SMARCAD1: variants seen among roughly 807,000 people sequenced by gnomAD.
SMARCAD1 encodes the protein SNF2 related chromatin remodeling ATPase with DExD box 1.
In SMARCAD1, 25 loss-of-function variants were observed where a neutral mutation model predicts 127.1. The ratio of observed to expected loss-of-function variants is 0.20; its 90% CI spans 0.14 to 0.27. SMARCAD1 has a LOEUF of 0.27. SMARCAD1 is among the 10% of genes least tolerant of loss of function. The pLI is 1.00. For synonymous variants in SMARCAD1, 400 were observed against 396.9 expected, an observed-to-expected ratio of 1.01 and a Z score of -0.09; for missense variants, 807 against 1,206.0, an observed-to-expected ratio of 0.67 and a Z score of 4.90.
At chr4:94,286,055 A>C (rs1328715950) in intron 23 of SMARCAD1, among the ~76,000 whole-genome samples, 8 of 152,230 alleles carry the variant, frequency 5.3e-5, no homozygotes, top group Admixed American at 2.6e-4. Flanking sequence ...ACAAGTTTCT[A>C]AATATAATAG....
intron 6 of SMARCAD1, among the ~76,000 whole-genome samples, chr4:94,247,778 T>C (rs1041905265): frequency 3.0e-4 from 46 of 152,216 alleles, no homozygotes; most frequent in African/African-American, 1.1e-3. Flanking sequence ...AATTATATAA[T>C]ATGTAACCTT....
At position 94,250,605 on chromosome 4, in the gene SMARCAD1, T is replaced by C. The variant is rs543353762; in HGVS notation, c.808-147T>C. ...GAGGTGAAATTACACAGAAAGCATT[T>C]GTAAAGCAGTGTAAAAACAAGTGCA... On this transcript the variant is annotated intron_variant, in intron 7 of 23. Coordinates refer to ENST00000354268, the MANE Select transcript of SMARCAD1 (RefSeq NM_020159.5). The C allele has an allele frequency of 8.8e-5, 48 of 543,306 alleles. 1 individual carries two copies. In the South Asian group the frequency reaches 1.4e-3, roughly 16 times the overall value. The allele number at this position is 543,306 out of a possible 1,614,324, so 33.7% of individuals were successfully genotyped here.
At chr4:94,265,447 A>G (rs1476767497) in intron 10 of SMARCAD1, among the ~76,000 whole-genome samples, 1 of 151,968 alleles carries the variant, frequency 6.6e-6, no homozygotes, top group Non-Finnish European at 1.5e-5. Flanking sequence ...TAAATAGATC[A>G]TATAAGTCTA....
intron 11 of SMARCAD1, among the ~76,000 whole-genome samples, chr4:94,271,499 T>C (rs1189019769): frequency 6.6e-6 from 1 of 152,228 alleles, no homozygotes; most frequent in Non-Finnish European, 1.5e-5. Context: ...AAGAAAATGT[T>C]ACACTGTGTG....
chr4:94,210,134 ATTTC>A (rs1384069243), intron 2 of SMARCAD1, among the ~76,000 whole-genome samples: 1 of 152,072 alleles, frequency 6.6e-6, no homozygotes, highest in Non-Finnish European at 1.5e-5. Context: ...TTCTGTTTTT[ATTTC>A]TTTCTAATGA....
chr4:94,255,328 A>G (rs997959675), intron 9 of SMARCAD1, among the ~76,000 whole-genome samples: 1 of 152,048 alleles, frequency 6.6e-6, no homozygotes, highest in African/African-American at 2.4e-5. Flanking sequence ...TGCATACTTG[A>G]GCCCGTGAAT....
At position 94,253,208 on chromosome 4, in the gene SMARCAD1, T is replaced by G. The variant is rs138553975; in HGVS notation, c.1281+201T>G. 20 of 1,508,152 alleles carry G rather than the reference T, an allele frequency of 1.3e-5. No homozygotes were observed. In the African/African-American group the frequency reaches 2.3e-4, roughly 18 times the overall value. The allele number at this position is 1,508,152 out of a possible 1,614,324, so 93.4% of individuals were successfully genotyped here. A position where few individuals can be genotyped will look rare whatever the true frequency, so the allele number is the denominator to read the frequency against. ...TAATTTTGAATGAATTAAGGGGTGA[T>G]TTTCCTGAAAAAACCCAAGCTGATT... On this transcript the variant is annotated intron_variant, in intron 9 of 23. Transcript: ENST00000354268.
intron 6 of SMARCAD1, among the ~76,000 whole-genome samples, chr4:94,246,113 ATTCT>A (rs1244357672): frequency 8.8e-4 from 129 of 145,924 alleles, no homozygotes; most frequent in Non-Finnish European, 1.7e-3. Context: ...CATAACTGAC[ATTCT>A]TTTTTTTTTT....
At chr4:94,282,649 G>C (rs1243636256) in intron 21 of SMARCAD1, among the ~76,000 whole-genome samples, 1 of 151,102 alleles carries the variant, frequency 6.6e-6, no homozygotes, top group Non-Finnish European at 1.5e-5. Context: ...TTTTTTTTCT[G>C]TTGGCCAGAG....
In SMARCAD1 at chr4:94,261,796, G is replaced by A. The variant is rs1438250195; in HGVS notation, c.1282-2911G>A. Among the ~76,000 whole-genome samples, 5 of 152,264 alleles carry A rather than the reference G, an allele frequency of 3.3e-5. No homozygotes were observed. The South Asian group carries it at 6.2e-4, about 19-fold the overall frequency. On this transcript the variant is annotated intron_variant, in intron 9 of 23. Transcript: ENST00000354268. ...GCTAATTTTTTGTATTTTTGGTAGAGATGGAGTTCTGCCATGTTGCCCAGG... is the reference window on the plus strand; with the variant it reads ...GCTAATTTTTTGTATTTTTGGTAGAAATGGAGTTCTGCCATGTTGCCCAGG...
intron 2 of SMARCAD1, among the ~76,000 whole-genome samples, chr4:94,216,327 A>G (rs1043147745): frequency 1.3e-5 from 2 of 152,166 alleles, no homozygotes; most frequent in Admixed American, 6.6e-5. Context: ...TGTTTGCCAT[A>G]GAAAAATTTT....
At chr4:94,238,458 G>A (rs1053327551) in intron 5 of SMARCAD1, among the ~76,000 whole-genome samples, 5 of 152,008 alleles carry the variant, frequency 3.3e-5, no homozygotes, top group Non-Finnish European at 5.9e-5. Context: ...GCAACTATTT[G>A]TTTAAGGGTC....
At chr4:94,272,727 G>A (rs576302332) in intron 11 of SMARCAD1, among the ~76,000 whole-genome samples, 2 of 151,836 alleles carry the variant, frequency 1.3e-5, no homozygotes, top group African/African-American at 4.8e-5. Context: ...GGTAGTCCGT[G>A]GTATAAATAC....
intron 9 of SMARCAD1, among the ~76,000 whole-genome samples, chr4:94,256,873 G>A (rs1410508359): frequency 2.0e-5 from 3 of 152,132 alleles, no homozygotes; most frequent in Non-Finnish European, 4.4e-5. Flanking sequence ...TACTTTGTAG[G>A]CTGCTGCCAG....
intron 9 of SMARCAD1, 191 bp downstream of exon 9, chr4:94,253,198 T>G: frequency 6.7e-7 from 1 of 1,498,858 alleles, no homozygotes; most frequent in East Asian, 2.5e-5. Context: ...TTGAATGAAT[T>G]AAGGGGTGAT....
intron 2 of SMARCAD1, among the ~76,000 whole-genome samples, chr4:94,208,997 A>G (rs1741734907): frequency 6.6e-6 from 1 of 152,192 alleles, no homozygotes; most frequent in South Asian, 2.1e-4. Context: ...AAGGTGCCTA[A>G]AGACAACCTC....
At chr4:94,240,779 A>T (rs756372344) in intron 5 of SMARCAD1, 127 bp from the exon 6 acceptor site, 1 of 711,542 alleles carries the variant, frequency 1.4e-6, no homozygotes, top group South Asian at 1.6e-5. Context: ...TAGAACAACA[A>T]ACACTGGGCC....
chr4:94,225,758 G>A (rs921921129), intron 2 of SMARCAD1, among the ~76,000 whole-genome samples: 9 of 152,204 alleles, frequency 5.9e-5, no homozygotes, highest in African/African-American at 2.2e-4. Flanking sequence ...AAGGCTTAGA[G>A]AAATTAATAA....
At chr4:94,250,673 AT>A in intron 7 of SMARCAD1, 78 bp from the exon 8 acceptor site, 4 of 916,000 alleles carry the variant, frequency 4.4e-6, no homozygotes, top group Non-Finnish European at 6.6e-6. Flanking sequence ...TGATTAACTT[AT>A]TTTTAAAAGA....
Sources: gnomAD v4.1 joint callset for allele counts (sites outside exome capture counted in the v4.1 genomes callset) on GRCh38, gnomAD v4.1.1 for gene constraint, MANE v1.5 for transcripts, NCBI Gene and HGNC (gene_info 2026-07-23, HGNC 2026-07-21) for gene names.